The following BLTP1 variants were observed in gnomAD, a reference collection of about 807,000 sequenced individuals.
BLTP1 encodes bridge-like lipid transfer protein family member 1, also known as fragile site-associated protein.
chr4:122,255,009 C>A, the BLTP1 span: 1 of 1,498,440 alleles, frequency 6.7e-7, no homozygotes, highest in Admixed American at 2.0e-5. Context: ...TGAAAATGAC[C>A]CCTTATTGTT....
chr4:122,319,602 T>C, the BLTP1 span, among the ~76,000 whole-genome samples: 2 of 149,952 alleles, frequency 1.3e-5, no homozygotes, highest in Non-Finnish European at 3.0e-5. Context: ...AGTGAAGTGG[T>C]GTGATCTTGG....
At chr4:122,168,413 T>C in the BLTP1 span, among the ~76,000 whole-genome samples, 130 of 152,288 alleles carry the variant, frequency 8.5e-4, no homozygotes, top group Admixed American at 1.6e-3. Flanking sequence ...ACTTCCAGAG[T>C]CTTTTCCTCC....
the BLTP1 span, chr4:122,210,802 G>A: frequency 1.3e-6 from 2 of 1,515,690 alleles, no homozygotes; most frequent in Non-Finnish European, 1.8e-6. Flanking sequence ...AAATTTCTTA[G>A]TGAATATTTC....
At chr4:122,194,933 A>G in the BLTP1 span, among the ~76,000 whole-genome samples, 12 of 152,118 alleles carry the variant, frequency 7.9e-5, no homozygotes, top group African/African-American at 2.7e-4. Context: ...AAAGAAATCT[A>G]TTTTTCACAT....
At chr4:122,228,380 T>C in the BLTP1 span, among the ~76,000 whole-genome samples, 1 of 152,182 alleles carries the variant, frequency 6.6e-6, no homozygotes, top group East Asian at 1.9e-4. Context: ...GAAAATTCCT[T>C]TGTGTGTCTT....
At chr4:122,210,145 T>A in the BLTP1 span, 1 of 303,312 alleles carries the variant, frequency 3.3e-6, no homozygotes, top group Non-Finnish European at 4.8e-6. Context: ...CTATTATGTT[T>A]AATCCTTATA....
At chr4:122,338,788 C>T in the BLTP1 span, among the ~76,000 whole-genome samples, 1 of 152,230 alleles carries the variant, frequency 6.6e-6, no homozygotes, top group East Asian at 1.9e-4. Flanking sequence ...TTAATTGGAC[C>T]AGCACAGTTC....
At chr4:122,222,320 G>C in the BLTP1 span, among the ~76,000 whole-genome samples, 2 of 152,118 alleles carry the variant, frequency 1.3e-5, no homozygotes, top group African/African-American at 2.4e-5. Context: ...CCCACTTGTA[G>C]TTTATCCTGG....
chr4:122,215,164 C>A, the BLTP1 span: 1 of 208,142 alleles, frequency 4.8e-6, no homozygotes, highest in Non-Finnish European at 8.4e-6. Context: ...CAAATGTTCT[C>A]TGCTATGTTG....
the BLTP1 span, chr4:122,244,140 G>GAACATATA: frequency 8.7e-7 from 1 of 1,147,476 alleles, no homozygotes; most frequent in Non-Finnish European, 1.2e-6. Context: ...ATAAGTATAT[G>GAACATATA]TGATATATGT....
the BLTP1 span, chr4:122,200,710 T>G: frequency 1.0e-6 from 1 of 982,948 alleles, no homozygotes. Flanking sequence ...AAGGAGAAAT[T>G]AGGGATGTCG....
chr4:122,184,275 A>G, the BLTP1 span, among the ~76,000 whole-genome samples: 3 of 152,232 alleles, frequency 2.0e-5, no homozygotes, highest in African/African-American at 7.2e-5. Flanking sequence ...TCTGCAGTGT[A>G]AGTAAGATAT....
At chr4:122,210,062 A>G in the BLTP1 span, 2 of 1,337,536 alleles carry the variant, frequency 1.5e-6, no homozygotes, top group Non-Finnish European at 1.9e-6. Context: ...TTTTAGATTA[A>G]TTGTAGCTAC....
the BLTP1 span, chr4:122,255,250 G>T: frequency 5.6e-6 from 9 of 1,609,830 alleles, no homozygotes; most frequent in Admixed American, 1.7e-5. Context: ...ATCTGCACCA[G>T]GCAAATTACT....
chr4:122,357,880 T>C, the BLTP1 span, among the ~76,000 whole-genome samples: 2 of 152,184 alleles, frequency 1.3e-5, no homozygotes, highest in East Asian at 3.8e-4. Flanking sequence ...ATAAAGATTA[T>C]CAAACGACCA....
the BLTP1 span, among the ~76,000 whole-genome samples, chr4:122,256,327 C>T: frequency 6.6e-6 from 1 of 152,184 alleles, no homozygotes; most frequent in East Asian, 1.9e-4. Flanking sequence ...ACAGTTTAAG[C>T]CTAACTTGCC....
chr4:122,282,821 A>G, the BLTP1 span, among the ~76,000 whole-genome samples: 1 of 151,898 alleles, frequency 6.6e-6, no homozygotes, highest in Non-Finnish European at 1.5e-5. Context: ...TTAACTAGGA[A>G]TTTTTTTATT....
the BLTP1 span, chr4:122,362,074 G>T: frequency 6.2e-7 from 1 of 1,612,436 alleles, no homozygotes; most frequent in South Asian, 1.1e-5. Flanking sequence ...AGTAGGTGTT[G>T]ATTATATTCT....
At chr4:122,207,123 C>T in the BLTP1 span, 1 of 1,596,612 alleles carries the variant, frequency 6.3e-7, no homozygotes, top group Non-Finnish European at 8.5e-7. Flanking sequence ...TAATTCAAGA[C>T]TGGTCTAGTG....
Sources: gnomAD v4.1 joint callset for allele counts (sites outside exome capture counted in the v4.1 genomes callset) on GRCh38, gnomAD v4.1.1 for gene constraint, MANE v1.5 for transcripts, NCBI Gene and HGNC (gene_info 2026-07-23, HGNC 2026-07-21) for gene names.